The following ITGAX variants were observed in gnomAD, a reference collection of about 807,000 sequenced individuals.
ITGAX encodes integrin alpha-X.
In ITGAX, 99 loss-of-function variants were observed where a neutral mutation model predicts 140.2. That is an observed-to-expected ratio of 0.71 (90% CI 0.60 to 0.83). The LOEUF (loss-of-function observed/expected upper bound fraction) is 0.83, where lower values mean the gene tolerates loss of function less well. Ranked by LOEUF, ITGAX falls within the 40% of genes least tolerant of loss-of-function variation. The probability of loss-of-function intolerance (pLI) is 0.00; values close to 1 mark genes in which losing one functional copy is unlikely to be tolerated. For missense variants in ITGAX, 1,444 were observed against 1,482.0 expected, an observed-to-expected ratio of 0.97 and a Z score of 0.42; for synonymous variants, 631 against 600.4, an observed-to-expected ratio of 1.05 and a Z score of -0.75.
Position 31,362,720 on chromosome 16 carries a change from A to G in ITGAX, c.1326A>G (p.Gln442=). The G allele has an allele frequency of 6.2e-7, 1 of 1,613,646 alleles. No individual in the cohort carries two copies. The highest frequency in any genetic ancestry group is 8.5e-7 in the Non-Finnish European group (1 of 1,179,810). Residue 442 remains glutamine (Q), a synonymous_variant, in exon 12 of 30, where the codon CAA becomes CAG. Transcript: ENST00000268296. ...KAVIFTQVSR[Q]WRMKAEVTGT... ...TCATCTTCACCCAGGTGTCCAGGCA[A>G]TGGAGGATGAAGGCCGAAGTCACGG...
Position 31,363,320 on chromosome 16 carries a change from T to G in ITGAX, c.1656T>G (p.Ala552=). ...CAGGAGAGGAGGAGAACCGGGGTGC[T>G]GTCTACCTGTTTCACGGAGTCTTGG... ...GAPGEEENRG[A]VYLFHGVLGP... is the part of the protein sequence containing the mutation. Residue 552 remains alanine, a synonymous_variant, in exon 14 of 30, where the codon GCT becomes GCG. Transcript: ENST00000268296. The G allele has an allele frequency of 6.2e-7, 1 of 1,614,024 alleles. No homozygotes were observed. Among genetic ancestry groups the G allele is most frequent in the Non-Finnish European group, 8.5e-7 (1 of 1,179,936 alleles).
At chr16:31,378,243 G>T (rs922675882) in intron 23 of ITGAX, among the ~76,000 whole-genome samples, 1 of 152,196 alleles carries the variant, frequency 6.6e-6, no homozygotes, top group Admixed American at 6.5e-5. Flanking sequence ...GCAATGCTCA[G>T]TAGCATTTGG....
intron 5 of ITGAX, chr16:31,357,849 G>A: frequency 3.0e-6 from 1 of 334,052 alleles, no homozygotes; most frequent in Non-Finnish European, 5.4e-6. Flanking sequence ...ATGTATGCAT[G>A]TGTATACATG....
At chr16:31,361,814 C>G in intron 9 of ITGAX, 22 bp from the exon 10 acceptor site, 1 of 1,613,508 alleles carries the variant, frequency 6.2e-7, no homozygotes, top group Non-Finnish European at 8.5e-7. Context: ...CCCTGGCACT[C>G]AAGCGTCATG....
Position 31,371,224 on chromosome 16 carries a change from G to A in ITGAX, c.1841+10G>A. 1 of 1,604,212 alleles carries A rather than the reference G, an allele frequency of 6.2e-7. No homozygotes were observed. The highest frequency in any genetic ancestry group is 1.3e-5 in the African/African-American group (1 of 74,846). ...AGGTGCTCCTGCTCAGGTGAGAGCA[G>A]CCTTTCTCAGAGGCTCCCCAGGTGG... On this transcript the variant is annotated intron_variant, in intron 15 of 29. Transcript: ENST00000268296.
Position 31,360,443 on chromosome 16 carries a change from A to G in ITGAX, c.841A>G (p.Ile281Val), listed in dbSNP as rs2080811574. ...CATCCCCATGGCTGATGCAGCAGGCATCATCCGCTATGCAATTGGGGTAGG... is the reference window on the plus strand; with the variant it reads ...CATCCCCATGGCTGATGCAGCAGGCGTCATCCGCTATGCAATTGGGGTAGG... ...DVIPMADAAG[I>V]IRYAIGVGLA... is the part of the protein sequence containing the mutation. The change falls in exon 8 of 30, where the codon ATC becomes GTC. Residue 281 changes from isoleucine to valine, a missense_variant. Ile to Val is a conservative substitution (Grantham distance 29). Coordinates refer to ENST00000268296, the MANE Select transcript of ITGAX (RefSeq NM_000887.5). 2 of 1,611,596 alleles carry G rather than the reference A, an allele frequency of 1.2e-6. No individual in the cohort carries two copies. The highest frequency in any genetic ancestry group is 1.7e-5 in the Admixed American group (1 of 59,538).
rs199963723 is a variant in ITGAX at position 31,363,027 on chromosome 16, C to A, written c.1452C>A (p.Tyr484Ter). Residue 484 changes from tyrosine to a stop codon, truncating the protein, a stop_gained, in exon 13 of 30, where the codon TAC becomes TAA. Coordinates refer to ENST00000268296, the MANE Select transcript of ITGAX (RefSeq NM_000887.5). LOFTEE classifies it high-confidence loss of function. ...DLVLIGAPHY[Y>*]EQTRGGQVSV... is the part of the protein sequence containing the mutation. ...TCCTCATCGGGGCCCCCCATTACTACGAGCAGACCCGAGGGGGCCAGGTGT... is the reference window on the plus strand; with the variant it reads ...TCCTCATCGGGGCCCCCCATTACTAAGAGCAGACCCGAGGGGGCCAGGTGT... 2.5e-6 allele frequency: 4 copies of A among 1,609,594 alleles called. No individual in the cohort carries two copies. The South Asian group carries it at 3.3e-5, about 13-fold the overall frequency.
In ITGAX at chr16:31,359,813, C is replaced by G; in HGVS notation, c.544C>G (p.Gln182Glu). Reference sequence around the variant, plus strand: ...CGTGAGAGCTGTGATAAGCCAGTTCCAGAGACCCAGCACCCAGGTGTGCCT... The same window carrying G: ...CGTGAGAGCTGTGATAAGCCAGTTCGAGAGACCCAGCACCCAGGTGTGCCT... Reference protein sequence around the residue: ...NFVRAVISQFQRPSTQFSLMQ... With the variant: ...NFVRAVISQFERPSTQFSLMQ... The change falls in exon 6 of 30, where the codon CAG becomes GAG. Residue 182 changes from glutamine (Q) to glutamate (E), a missense_variant. Physicochemically the swap from Gln to Glu is conservative, Grantham distance 29. Coordinates refer to ENST00000268296, the MANE Select transcript of ITGAX (RefSeq NM_000887.5). 1.1e-5 allele frequency: 18 copies of G among 1,614,172 alleles called. No homozygotes were observed. The highest frequency in any genetic ancestry group is 1.4e-5 in the Non-Finnish European group (16 of 1,180,042).
chr16:31,373,422 G>C, intron 20 of ITGAX, 32 bp downstream of exon 20: 1 of 1,596,088 alleles, frequency 6.3e-7, no homozygotes, highest in Non-Finnish European at 8.5e-7. Context: ...GAGGAGGCAG[G>C]GCTGGGCGTT....
At chr16:31,366,898 G>T (rs1247741790) in intron 14 of ITGAX, among the ~76,000 whole-genome samples, 2 of 152,222 alleles carry the variant, frequency 1.3e-5, no homozygotes. Context: ...TGGGCTGAAG[G>T]CCTTTTGCAC....
chr16:31,373,245 C>T lies in ITGAX; in HGVS notation c.2367-4C>T, dbSNP rs749734265. On this transcript the variant is annotated splice_region_variant and splice_polypyrimidine_tract_variant and intron_variant, in intron 19 of 29. Coordinates refer to ENST00000268296, the MANE Select transcript of ITGAX (RefSeq NM_000887.5). Reference sequence around the variant, plus strand: ...TCTTCTCCTTTCCTTCACCTGATACCCAGCTTGAAGTCCCTGCTGGTGGGG... The same window carrying T: ...TCTTCTCCTTTCCTTCACCTGATACTCAGCTTGAAGTCCCTGCTGGTGGGG... 7 of 1,609,210 alleles carry T rather than the reference C, an allele frequency of 4.3e-6. No individual in the cohort carries two copies. In the African/African-American group the frequency reaches 9.4e-5, roughly 22 times the overall value.
At chr16:31,355,688 G>A (rs2080751691) in intron 1 of ITGAX, among the ~76,000 whole-genome samples, 1 of 152,178 alleles carries the variant, frequency 6.6e-6, no homozygotes, top group South Asian at 2.1e-4. Context: ...CAGAAATGGA[G>A]AACTGCAACT....
At chr16:31,377,901 T>C (rs566008887) in intron 23 of ITGAX, among the ~76,000 whole-genome samples, 74 of 152,264 alleles carry the variant, frequency 4.9e-4, no homozygotes, top group African/African-American at 1.6e-3. Flanking sequence ...CTGGGCAATA[T>C]AGTGAGACCC....
chr16:31,380,075 G>A lies in ITGAX; in HGVS notation c.3060+10G>A, dbSNP rs774064206. The A allele has an allele frequency of 2.5e-6, 4 of 1,613,178 alleles. No individual in the cohort carries two copies. ...GAAGAATCCCGTGCTGGTGAGGAGG[G>A]CTCTGGGCTGGCCCTCACTGTAGGC... On this transcript the variant is annotated intron_variant, in intron 26 of 29. Transcript: ENST00000268296.
At position 31,357,019 on chromosome 16, in the gene ITGAX, C is replaced by A. The variant is rs2080768334; in HGVS notation, c.248-12C>A. On this transcript the variant is annotated splice_polypyrimidine_tract_variant and intron_variant, in intron 3 of 29. Coordinates refer to ENST00000268296, the MANE Select transcript of ITGAX (RefSeq NM_000887.5). ...CCCCCGAGAGTGACCATGCACATAT[C>A]TGTCCCCACAGTGCCCCCGGAGGCC... 1 of 1,604,580 alleles carries A rather than the reference C, an allele frequency of 6.2e-7. No homozygotes were observed.
Position 31,361,873 on chromosome 16 carries a change from G to A in ITGAX, c.1050G>A (p.Glu350=), listed in dbSNP as rs1290537148. Residue 350 remains glutamate (E), a synonymous_variant, in exon 10 of 30, where the codon GAG becomes GAA. Transcript: ENST00000268296. ...CAAGCAGTAGCTCCTTCGAATTGGA[G>A]ATGGCACAGGAGGGCTTCAGCGCTG... The part of the protein sequence containing the change: ...ETTSSSSFEL[E]MAQEGFSAVF... The A allele has an allele frequency of 6.2e-7, 1 of 1,614,084 alleles. No homozygotes were observed. Among genetic ancestry groups the A allele is most frequent in the Admixed American group, 1.7e-5 (1 of 60,016 alleles).
intron 19 of ITGAX, 39 bp downstream of exon 19, chr16:31,372,709 C>G (rs948325363): frequency 5.7e-6 from 9 of 1,575,692 alleles, no homozygotes; most frequent in Non-Finnish European, 7.8e-6. Flanking sequence ...ACTGCCCCAG[C>G]CTCCTTCCTG....
intron 14 of ITGAX, among the ~76,000 whole-genome samples, chr16:31,368,963 T>A (rs951431939): frequency 1.3e-5 from 2 of 152,182 alleles, no homozygotes; most frequent in East Asian, 3.8e-4. Flanking sequence ...GCAGAAGAAT[T>A]TTTCTTAGTA....
At chr16:31,360,189 TG>T in intron 7 of ITGAX, 120 bp from the exon 8 acceptor site, 1 of 1,509,824 alleles carries the variant, frequency 6.6e-7, no homozygotes. Flanking sequence ...CTTGCCAAGC[TG>T]GGGCCTCTGG....
Sources: gnomAD v4.1 joint callset for allele counts (sites outside exome capture counted in the v4.1 genomes callset) on GRCh38, gnomAD v4.1.1 for gene constraint, MANE v1.5 for transcripts, NCBI Gene and HGNC (gene_info 2026-07-23, HGNC 2026-07-21) for gene names.